COMMD1: variants seen among roughly 807,000 people sequenced by gnomAD.
The protein encoded by COMMD1 is COMM domain-containing protein 1.
Under a neutral mutation model 17.2 loss-of-function variants are expected in COMMD1, and 10 were observed. The ratio of observed to expected loss-of-function variants is 0.58; its 90% CI spans 0.36 to 0.99. COMMD1 has a LOEUF of 0.99. Among genes scored for constraint, COMMD1 ranks in the 50% least tolerant of loss-of-function variants. The pLI is 0.01. For missense variants in COMMD1, 270 were observed against 231.8 expected (o/e 1.17, Z -1.07); for synonymous variants, 97 against 91.6 (o/e 1.06, Z -0.34).
intron 2 of COMMD1, among the ~76,000 whole-genome samples, chr2:62,064,358 G>A (rs1290387760): frequency 6.6e-6 from 1 of 152,026 alleles, no homozygotes; most frequent in Admixed American, 6.6e-5. Flanking sequence ...ATTTTTAGTA[G>A]AGATGGGTTT....
intron 1 of COMMD1, among the ~76,000 whole-genome samples, chr2:61,913,070 A>C (rs1669950100): frequency 6.6e-6 from 1 of 152,042 alleles, no homozygotes; most frequent in Admixed American, 6.6e-5. Flanking sequence ...ATCTCTAAAA[A>C]TTTAAAAGAA....
At chr2:62,112,117 T>C (rs1672471072) in intron 2 of COMMD1, among the ~76,000 whole-genome samples, 2 of 152,214 alleles carry the variant, frequency 1.3e-5, no homozygotes, top group Admixed American at 6.5e-5. Flanking sequence ...TAAGAAGGGC[T>C]TACTGTTTAG....
Position 62,135,891 on chromosome 2 carries a change from C to CT in COMMD1, c.524dup (p.Ser176ValfsTer15), listed in dbSNP as rs1673180233. The CT allele has an allele frequency of 6.2e-7, 1 of 1,605,336 alleles. No individual in the cohort carries two copies. Among genetic ancestry groups the CT allele is most frequent in the South Asian group, 1.1e-5 (1 of 90,910 alleles). ...CAAAGTCAACCAAATTCTGAAGACG[C>CT]TGTCAGAGGTAGAAGAAAGTATCAG... On this transcript the variant is annotated frameshift_variant, in exon 3 of 3. Coordinates refer to ENST00000311832, the MANE Select transcript of COMMD1 (RefSeq NM_152516.4). LOFTEE classifies it high-confidence loss of function.
chr2:62,099,523 C>T (rs140517573), intron 2 of COMMD1, among the ~76,000 whole-genome samples: 61 of 152,056 alleles, frequency 4.0e-4, no homozygotes, highest in African/African-American at 1.3e-3. Context: ...CACTGGGGAC[C>T]GCTCTCCTTG....
At chr2:61,936,251 G>A (rs1670604880) in intron 1 of COMMD1, among the ~76,000 whole-genome samples, 1 of 152,146 alleles carries the variant, frequency 6.6e-6, no homozygotes. Flanking sequence ...AGTTATGTAA[G>A]CAATGTCATG....
At chr2:62,077,612 G>A (rs1368287017) in intron 2 of COMMD1, among the ~76,000 whole-genome samples, 1 of 151,804 alleles carries the variant, frequency 6.6e-6, no homozygotes, top group Non-Finnish European at 1.5e-5. Context: ...GCAAATTTCA[G>A]GACAGGGACC....
At chr2:61,911,967 A>C (rs1034523444) in intron 1 of COMMD1, among the ~76,000 whole-genome samples, 2 of 152,140 alleles carry the variant, frequency 1.3e-5, no homozygotes, top group South Asian at 4.1e-4. Context: ...TGGCTTGTTC[A>C]TTTGTTTAAT....
intron 2 of COMMD1, among the ~76,000 whole-genome samples, chr2:62,035,165 A>G (rs1238630432): frequency 2.0e-5 from 3 of 152,230 alleles, no homozygotes; most frequent in African/African-American, 4.8e-5. Context: ...GGCATTCATG[A>G]TAAGTTTAAC....
At chr2:61,993,203 C>T (rs1484402504) in intron 1 of COMMD1, among the ~76,000 whole-genome samples, 3 of 152,104 alleles carry the variant, frequency 2.0e-5, no homozygotes, top group Non-Finnish European at 4.4e-5. Flanking sequence ...TTGAGGGAGT[C>T]CACACTTAGT....
chr2:62,092,179 G>A (rs1403902654), intron 2 of COMMD1, among the ~76,000 whole-genome samples: 1 of 152,186 alleles, frequency 6.6e-6, no homozygotes, highest in Non-Finnish European at 1.5e-5. Context: ...TTTAGCAAGG[G>A]AATGTATAGC....
chr2:62,087,247 T>C (rs1048606890), intron 2 of COMMD1, among the ~76,000 whole-genome samples: 17 of 152,236 alleles, frequency 1.1e-4, no homozygotes, highest in African/African-American at 3.9e-4. Context: ...TTTGTTCATA[T>C]ACCCTAAAGT....
chr2:61,966,743 A>G (rs1004090709), intron 1 of COMMD1, among the ~76,000 whole-genome samples: 3 of 151,970 alleles, frequency 2.0e-5, no homozygotes, highest in Non-Finnish European at 2.9e-5. Flanking sequence ...GGTATTTTCA[A>G]ATTGTTAAAT....
intron 2 of COMMD1, among the ~76,000 whole-genome samples, chr2:62,064,368 T>C (rs753403874): frequency 6.6e-6 from 1 of 152,096 alleles, no homozygotes; most frequent in Non-Finnish European, 1.5e-5. Context: ...GAGATGGGTT[T>C]GCACCATTTT....
At chr2:61,997,896 A>G (rs1008459266) in intron 1 of COMMD1, among the ~76,000 whole-genome samples, 3 of 152,194 alleles carry the variant, frequency 2.0e-5, no homozygotes, top group Non-Finnish European at 4.4e-5. Context: ...TCTTTTTCCG[A>G]TATATGGCTA....
intron 2 of COMMD1, among the ~76,000 whole-genome samples, chr2:62,006,168 G>GAACAATGAGAACACAT (rs1669110041): frequency 7.3e-6 from 1 of 136,374 alleles, no homozygotes; most frequent in Non-Finnish European, 1.6e-5. Flanking sequence ...ACACAGGAAG[G>GAACAATGAGAACACAT]GGAACATCAT....
Position 61,905,692 on chromosome 2 carries a change from A to G in COMMD1, c.14A>G (p.Glu5Gly). 1.3e-6 allele frequency: 2 copies of G among 1,567,706 alleles called. No individual in the cohort carries two copies. Among genetic ancestry groups the G allele is most frequent in the South Asian group, 2.3e-5 (2 of 86,962 alleles). Residue 5 changes from glutamate (E) to glycine (G), a missense_variant, in exon 1 of 3, where the codon GAG becomes GGG. Physicochemically the swap from Glu to Gly is moderately conservative, Grantham distance 98. Coordinates refer to ENST00000311832, the MANE Select transcript of COMMD1 (RefSeq NM_152516.4). The part of the protein sequence containing the change: MAAG[E>G]LEGGKPLSGL... ...CCTTCGCAGAGCATGGCGGCGGGCG[A>G]GCTTGAGGGTGGCAAACCCCTGAGC...
At chr2:62,074,156 TCACATCAA>T (rs1671274965) in intron 2 of COMMD1, among the ~76,000 whole-genome samples, 2 of 152,200 alleles carry the variant, frequency 1.3e-5, no homozygotes, top group African/African-American at 4.8e-5. Context: ...CACCCTCCCA[TCACATCAA>T]TGTGTTAATT....
At chr2:62,060,333 AAAAT>A (rs1258586332) in intron 2 of COMMD1, among the ~76,000 whole-genome samples, 4 of 152,172 alleles carry the variant, frequency 2.6e-5, no homozygotes, top group African/African-American at 7.2e-5. Flanking sequence ...GCTGTCTCCA[AAAAT>A]AAATAAATAA....
At chr2:62,126,529 T>C (rs1672892823) in intron 2 of COMMD1, among the ~76,000 whole-genome samples, 1 of 152,208 alleles carries the variant, frequency 6.6e-6, no homozygotes, top group African/African-American at 2.4e-5. Flanking sequence ...ATCAGTGACA[T>C]TGGGCTTTTT....
Sources: allele counts gnomAD v4.1 joint callset (sites outside exome capture counted in the v4.1 genomes callset), GRCh38; gene constraint gnomAD v4.1.1; transcripts MANE v1.5; gene names NCBI Gene and HGNC (gene_info 2026-07-23, HGNC 2026-07-21).